Variants in EXOC6B observed in about 807,000 individuals in gnomAD.
EXOC6B encodes the protein SEC15 homolog B.
A neutral mutation model predicts 113.5 loss-of-function variants in EXOC6B; 54 were observed. The observed-to-expected ratio is 0.48, with a 90% CI of 0.38 to 0.60. The LOEUF (loss-of-function observed/expected upper bound fraction) is 0.60. Ranked by LOEUF, EXOC6B falls within the 20% of genes least tolerant of loss-of-function variation. The pLI, the probability that EXOC6B is intolerant of heterozygous loss-of-function variation, is 0.00. For missense variants in EXOC6B, 797 were observed against 977.5 expected (o/e 0.82, Z 2.46); for synonymous variants, 357 against 339.0 (o/e 1.05, Z -0.58).
At chr2:72,509,538 A>G (rs1413271884) in intron 11 of EXOC6B, among the ~76,000 whole-genome samples, 2 of 152,314 alleles carry the variant, frequency 1.3e-5, no homozygotes, top group East Asian at 3.9e-4. Flanking sequence ...AGAACACATA[A>G]ATTATAAAGT....
At chr2:72,459,249 T>C (rs1271319232) in intron 18 of EXOC6B, among the ~76,000 whole-genome samples, 1 of 152,158 alleles carries the variant, frequency 6.6e-6, no homozygotes, top group Non-Finnish European at 1.5e-5. Context: ...GCCAATATCA[T>C]ACTGAATGGG....
chr2:72,600,325 C>T (rs1456882663), intron 6 of EXOC6B, among the ~76,000 whole-genome samples: 2 of 151,372 alleles, frequency 1.3e-5, no homozygotes, highest in Non-Finnish European at 2.9e-5. Context: ...CCTGTTAGTC[C>T]CAGCTACTGG....
chr2:72,808,479 G>T (rs1321051401), intron 1 of EXOC6B, among the ~76,000 whole-genome samples: 1 of 152,104 alleles, frequency 6.6e-6, no homozygotes, highest in Non-Finnish European at 1.5e-5. Context: ...ACAACAGAGG[G>T]CAAGCATGGT....
At chr2:72,370,438 G>T (rs941754997) in intron 19 of EXOC6B, among the ~76,000 whole-genome samples, 4 of 152,196 alleles carry the variant, frequency 2.6e-5, no homozygotes, top group Non-Finnish European at 5.9e-5. Flanking sequence ...TTCAACCATT[G>T]TGGAAGACAG....
intron 20 of EXOC6B, among the ~76,000 whole-genome samples, chr2:72,237,228 T>C (rs958823607): frequency 1.1e-4 from 16 of 152,182 alleles, no homozygotes; most frequent in South Asian, 2.1e-4. Flanking sequence ...TGAAGTTCAA[T>C]GTATCACTTA....
At chr2:72,547,312 T>C (rs566269837) in intron 8 of EXOC6B, among the ~76,000 whole-genome samples, 1 of 152,344 alleles carries the variant, frequency 6.6e-6, no homozygotes, top group African/African-American at 2.4e-5. Flanking sequence ...AAAATGTCCA[T>C]GTATTTTAAT....
intron 1 of EXOC6B, among the ~76,000 whole-genome samples, chr2:72,820,994 TA>T (rs1266783000): frequency 6.6e-6 from 1 of 152,066 alleles, no homozygotes; most frequent in African/African-American, 2.4e-5. Flanking sequence ...TAACTGGAAT[TA>T]ATTTAAATTA....
At chr2:72,785,471 G>A (rs1384847122) in intron 1 of EXOC6B, among the ~76,000 whole-genome samples, 1 of 152,242 alleles carries the variant, frequency 6.6e-6, no homozygotes, top group Non-Finnish European at 1.5e-5. Context: ...ACTTTTGCCT[G>A]GGCATCCAGG....
chr2:72,403,175 A>C (rs1693462995), intron 18 of EXOC6B, among the ~76,000 whole-genome samples: 1 of 152,192 alleles, frequency 6.6e-6, no homozygotes, highest in Non-Finnish European at 1.5e-5. Context: ...TAAATTTACC[A>C]AGCTTTTCTT....
chr2:72,603,898 A>G (rs1364015597), intron 6 of EXOC6B, among the ~76,000 whole-genome samples: 2 of 152,040 alleles, frequency 1.3e-5, no homozygotes, highest in Non-Finnish European at 2.9e-5. Context: ...CCCTTACCCA[A>G]GTTAACAACT....
At chr2:72,679,300 T>C (rs997067116) in intron 6 of EXOC6B, among the ~76,000 whole-genome samples, 2 of 152,184 alleles carry the variant, frequency 1.3e-5, no homozygotes, top group Non-Finnish European at 2.9e-5. Flanking sequence ...ACTCCTGACC[T>C]CAAGTGATCC....
chr2:72,196,773 A>C (rs1472568873), intron 20 of EXOC6B, among the ~76,000 whole-genome samples: 1 of 152,086 alleles, frequency 6.6e-6, no homozygotes, highest in East Asian at 1.9e-4. Context: ...CATTAAGTTC[A>C]TTTTCCTCCT....
intron 6 of EXOC6B, among the ~76,000 whole-genome samples, chr2:72,680,870 G>C (rs555939866): frequency 3.0e-4 from 45 of 152,150 alleles, no homozygotes; most frequent in East Asian, 1.7e-3. Context: ...AATTCTAGGG[G>C]AAAAAAGACA....
intron 6 of EXOC6B, among the ~76,000 whole-genome samples, chr2:72,707,897 T>C (rs1277772697): frequency 1.3e-5 from 2 of 152,016 alleles, no homozygotes; most frequent in Non-Finnish European, 2.9e-5. Flanking sequence ...AAAAGAAATA[T>C]ATAGCAGATA....
chr2:72,662,330 TGAACTTCATG>T (rs1397748214), intron 6 of EXOC6B, among the ~76,000 whole-genome samples: 1 of 152,144 alleles, frequency 6.6e-6, no homozygotes, highest in Non-Finnish European at 1.5e-5. Context: ...ACTGATAAAT[TGAACTTCATG>T]TTTTGTTCTA....
rs758906963 is a variant in EXOC6B at position 72,307,161 on chromosome 2, G to GTTTTTGTTTTTTTTTTTTTTTTTTTTTTT, written c.2196+27785_2196+27786insAAAAAAAAAAAAAAAAAAAAAAACAAAAA. Among the ~76,000 whole-genome samples, 39 of 128,512 alleles carry GTTTTTGTTTTTTTTTTTTTTTTTTTTTTT rather than the reference G, an allele frequency of 3.0e-4. 1 individual carries two copies. The highest frequency in any genetic ancestry group is 1.4e-3 in the African/African-American group (36 of 26,170). The allele number at this position is 128,512 out of a possible 152,430, so 84.3% of individuals were successfully genotyped here. On this transcript the variant is annotated intron_variant, in intron 20 of 21. Coordinates refer to ENST00000272427, the MANE Select transcript of EXOC6B (RefSeq NM_015189.3). ...TCCATGACTGCAATGGTATAGTCCAGTTTTTTTTTTTTTGAGACGGAGTCT... is the reference window on the plus strand; with the variant it reads ...TCCATGACTGCAATGGTATAGTCCAGTTTTTGTTTTTTTTTTTTTTTTTTTTTTTTTTTTTTTTTTTTGAGACGGAGTCT...
chr2:72,633,684 G>T (rs1024766742), intron 6 of EXOC6B, among the ~76,000 whole-genome samples: 43 of 152,116 alleles, frequency 2.8e-4, no homozygotes, highest in African/African-American at 8.9e-4. Flanking sequence ...TAAAACACCT[G>T]GAACAGTACC....
intron 18 of EXOC6B, among the ~76,000 whole-genome samples, chr2:72,414,760 T>A (rs1017900840): frequency 6.6e-6 from 1 of 152,222 alleles, no homozygotes; most frequent in East Asian, 1.9e-4. Context: ...CAACTCTACA[T>A]AAATTTACCA....
chr2:72,213,042 G>T (rs543511487), intron 20 of EXOC6B, among the ~76,000 whole-genome samples: 7 of 152,328 alleles, frequency 4.6e-5, no homozygotes, highest in African/African-American at 1.4e-4. Context: ...GACCTTCTGA[G>T]GCTGGGCCTT....
Sources: allele counts gnomAD v4.1 joint callset (sites outside exome capture counted in the v4.1 genomes callset), GRCh38; gene constraint gnomAD v4.1.1; transcripts MANE v1.5; gene names NCBI Gene and HGNC (gene_info 2026-07-23, HGNC 2026-07-21).